The following INTU variants were observed in gnomAD, a reference collection of about 807,000 sequenced individuals.
INTU encodes protein inturned.
INTU carries 68 observed loss-of-function variants against 100.5 expected under a neutral mutation model. That is an observed-to-expected ratio of 0.68 (90% CI 0.56 to 0.83). INTU has a LOEUF of 0.83. INTU is among the 40% of genes least tolerant of loss of function. The pLI is 0.00. For synonymous variants in INTU, 357 were observed against 395.7 expected (o/e 0.90, Z 1.16); for missense variants, 1,071 against 1,114.7 (o/e 0.96, Z 0.56).
In INTU at chr4:127,687,467, C is replaced by T. The variant is rs534953398; in HGVS notation, c.1260-211C>T. 53 of 357,644 alleles carry T rather than the reference C, an allele frequency of 1.5e-4. No homozygotes were observed. In the South Asian group the frequency reaches 1.8e-3, roughly 12 times the overall value. The allele number at this position is 357,644 out of a possible 1,614,324, so 22.2% of individuals were successfully genotyped here. A position where few individuals can be genotyped will look rare whatever the true frequency, so the allele number is the denominator to read the frequency against. Reference sequence around the variant, plus strand: ...TCCATAGAGCCATCTACTTGATACACTTGAGAGTAGGTTTTAGGGTAAAAA... The same window carrying T: ...TCCATAGAGCCATCTACTTGATACATTTGAGAGTAGGTTTTAGGGTAAAAA... On this transcript the variant is annotated intron_variant, in intron 7 of 15. Transcript: ENST00000335251.
At chr4:127,674,084 A>T (rs1180728651) in intron 5 of INTU, 40 bp from the exon 6 acceptor site, 2 of 1,299,432 alleles carry the variant, frequency 1.5e-6, no homozygotes, top group South Asian at 2.6e-5. Flanking sequence ...TATGACATTT[A>T]AAGGTATTCT....
chr4:127,660,456 G>A (rs1251154391), intron 3 of INTU, among the ~76,000 whole-genome samples: 3 of 151,466 alleles, frequency 2.0e-5, no homozygotes, highest in East Asian at 1.9e-4. Flanking sequence ...TGGGAGAGAC[G>A]GTGCAGACTG....
chr4:127,644,357 G>GA (rs1425098437), intron 2 of INTU, among the ~76,000 whole-genome samples: 4 of 151,780 alleles, frequency 2.6e-5, no homozygotes, highest in East Asian at 1.9e-4. Flanking sequence ...TTGCTGACAA[G>GA]AAAAAAAACG....
chr4:127,654,456 G>C (rs1560836630), intron 2 of INTU, among the ~76,000 whole-genome samples: 1 of 152,144 alleles, frequency 6.6e-6, no homozygotes, highest in Non-Finnish European at 1.5e-5. Flanking sequence ...TATCTGTAAA[G>C]TATTTTATTT....
intron 9 of INTU, among the ~76,000 whole-genome samples, 162 bp downstream of exon 9, chr4:127,700,225 T>C (rs1191000200): frequency 6.6e-6 from 1 of 152,188 alleles, no homozygotes; most frequent in African/African-American, 2.4e-5. Flanking sequence ...CTTAGGATTT[T>C]CTACTGAGTT....
At chr4:127,689,819 A>G (rs1201797542) in intron 8 of INTU, among the ~76,000 whole-genome samples, 1 of 152,132 alleles carries the variant, frequency 6.6e-6, no homozygotes, top group Non-Finnish European at 1.5e-5. Flanking sequence ...ATAGAAAGTA[A>G]CTAGATAACT....
chr4:127,667,602 GT>G (rs1403768264), intron 4 of INTU, among the ~76,000 whole-genome samples: 1 of 151,618 alleles, frequency 6.6e-6, no homozygotes, highest in Non-Finnish European at 1.5e-5. Flanking sequence ...GAGTATATGG[GT>G]TTTTTTTGTT....
rs1275053437 is a variant in INTU, at chr4:127,725,902, G to A, written c.*9466G>A. On this transcript the variant is annotated 3_prime_UTR_variant, in exon 16 of 16. Transcript: ENST00000335251. The stretch of plus-strand genomic sequence containing the variant: ...ATCTGAAACATCAAACTGATTATCA[G>A]ACAATAAAGTGCCTGTTACTTTATT... 6.6e-6 allele frequency: 1 copy of A among 151,978 alleles called. No homozygotes were observed. The highest frequency in any genetic ancestry group is 1.9e-4 in the East Asian group (1 of 5,194). 9.4% of individuals were successfully genotyped at this position (151,978 alleles called of 1,614,324 possible). A position where few individuals can be genotyped will look rare whatever the true frequency, so the allele number is the denominator to read the frequency against.
intron 4 of INTU, among the ~76,000 whole-genome samples, chr4:127,664,595 T>G (rs1245631755): frequency 6.6e-6 from 1 of 152,096 alleles, no homozygotes; most frequent in Non-Finnish European, 1.5e-5. Context: ...AAAACTAAAC[T>G]TTTTGACATC....
chr4:127,683,574 C>T (rs1560860907), intron 6 of INTU, among the ~76,000 whole-genome samples: 1 of 152,154 alleles, frequency 6.6e-6, no homozygotes, highest in Non-Finnish European at 1.5e-5. Context: ...CCCTCCTCAC[C>T]TCTATGCCTT....
intron 1 of INTU, among the ~76,000 whole-genome samples, chr4:127,642,391 C>T (rs1727373703): frequency 6.6e-6 from 1 of 152,176 alleles, no homozygotes; most frequent in African/African-American, 2.4e-5. Flanking sequence ...TGACCAGCCA[C>T]AGACCAGGGC....
chr4:127,677,971 C>T (rs996372218), intron 6 of INTU, among the ~76,000 whole-genome samples: 1 of 151,780 alleles, frequency 6.6e-6, no homozygotes, highest in African/African-American at 2.4e-5. Context: ...CTTCAGGAGC[C>T]GATGCAATCA....
At chr4:127,653,940 C>T (rs1003268457) in intron 2 of INTU, among the ~76,000 whole-genome samples, 11 of 151,732 alleles carry the variant, frequency 7.2e-5, no homozygotes, top group Non-Finnish European at 1.5e-4. Flanking sequence ...GGATAGTTAG[C>T]TCTTCTTGTT....
chr4:127,676,611 G>C (rs1421349755), intron 6 of INTU, among the ~76,000 whole-genome samples: 1 of 150,864 alleles, frequency 6.6e-6, no homozygotes, highest in East Asian at 1.9e-4. Context: ...GAGAGAGAGA[G>C]GTGGGAGCCA....
chr4:127,683,678 C>T (rs1049008619), intron 6 of INTU: 2 of 152,138 alleles, frequency 1.3e-5, no homozygotes, highest in Non-Finnish European at 2.9e-5. Flanking sequence ...GATCACATTC[C>T]CGTGATGGCT....
chr4:127,666,969 A>AT (rs986641662), intron 4 of INTU, among the ~76,000 whole-genome samples: 41 of 152,094 alleles, frequency 2.7e-4, no homozygotes, highest in African/African-American at 8.7e-4. Flanking sequence ...ACTTAGACAC[A>AT]TTTTTTTTAT....
rs558026373 is a variant in INTU at position 127,693,513 on chromosome 4, A to T, written c.1449+5646A>T. 1.1e-4 allele frequency among the ~76,000 whole-genome samples: 16 copies of T among 152,232 alleles called. No homozygotes were observed. In the South Asian group the frequency reaches 3.3e-3, roughly 32 times the overall value. On this transcript the variant is annotated intron_variant, in intron 8 of 15. Transcript: ENST00000335251. ...TTTCTAGGTATATAGTCATATCATTAGCAAACAGTGACAGTTTGACTTCTT... is the reference window on the plus strand; with the variant it reads ...TTTCTAGGTATATAGTCATATCATTTGCAAACAGTGACAGTTTGACTTCTT...
At chr4:127,681,081 C>G (rs1333885964) in intron 6 of INTU, among the ~76,000 whole-genome samples, 1 of 151,868 alleles carries the variant, frequency 6.6e-6, no homozygotes, top group Non-Finnish European at 1.5e-5. Context: ...AACTACAAAC[C>G]ACTGCTCAAT....
rs567375358 is a variant in INTU at position 127,718,893 on chromosome 4, A to G, written c.*2457A>G. The stretch of plus-strand genomic sequence containing the variant: ...CTTAAGAAGCTTTTGGGCTGAGACA[A>G]TGGGGTTTTCTAGATATAGGATAAT... On this transcript the variant is annotated 3_prime_UTR_variant, in exon 16 of 16. Coordinates refer to ENST00000335251, the MANE Select transcript of INTU (RefSeq NM_015693.4). The G allele has an allele frequency of 2.0e-5, 3 of 152,332 alleles. No individual in the cohort carries two copies. Among genetic ancestry groups the G allele is most frequent in the South Asian group, 2.1e-4 (1 of 4,816 alleles). 9.4% of individuals were successfully genotyped at this position (152,332 alleles called of 1,614,324 possible).
Sources: gnomAD v4.1 joint callset for allele counts (sites outside exome capture counted in the v4.1 genomes callset) on GRCh38, gnomAD v4.1.1 for gene constraint, MANE v1.5 for transcripts, NCBI Gene and HGNC (gene_info 2026-07-23, HGNC 2026-07-21) for gene names.